Variants in CDK14 observed in about 807,000 individuals in gnomAD.
CDK14 encodes cyclin-dependent kinase 14.
CDK14 carries 34 observed loss-of-function variants against 60.7 expected under a neutral mutation model. That is an observed-to-expected ratio of 0.56 (90% CI 0.43 to 0.75). The LOEUF is 0.75. Among genes scored for constraint, CDK14 ranks in the 30% least tolerant of loss-of-function variants. The pLI is 0.00. For synonymous variants in CDK14, 197 were observed against 203.7 expected, an observed-to-expected ratio of 0.97 and a Z score of 0.28; for missense variants, 482 against 564.1, an observed-to-expected ratio of 0.85 and a Z score of 1.47.
Position 91,196,652 on chromosome 7 carries a change from G to C in CDK14, c.*29-10513G>C, listed in dbSNP as rs145550359. The stretch of plus-strand genomic sequence containing the variant: ...TAAGTAGATGGATTTTTTCTGAATT[G>C]TGGTGGGGAACAAGTTGATGGTCTT... On this transcript the variant is annotated intron_variant, in intron 14 of 14. Coordinates refer to ENST00000380050, the MANE Select transcript of CDK14 (RefSeq NM_001287135.2). 2.5e-3 allele frequency among the ~76,000 whole-genome samples: 374 copies of C among 152,354 alleles called. 2 individuals are homozygous for C. Among genetic ancestry groups the C allele is most frequent in the African/African-American group, 8.7e-3 (360 of 41,584 alleles).
At chr7:90,766,312 A>C (rs554768105) in intron 4 of CDK14, among the ~76,000 whole-genome samples, 3 of 152,328 alleles carry the variant, frequency 2.0e-5, no homozygotes, top group South Asian at 2.1e-4. Context: ...AACAGGGTTA[A>C]TAATAGAATT....
intron 10 of CDK14, among the ~76,000 whole-genome samples, chr7:90,997,061 A>G (rs1795706459): frequency 6.6e-6 from 1 of 152,180 alleles, no homozygotes; most frequent in South Asian, 2.1e-4. Flanking sequence ...AATATATGAA[A>G]TGTTCCCCCT....
At chr7:91,056,668 T>A (rs1797576683) in intron 11 of CDK14, among the ~76,000 whole-genome samples, 1 of 151,918 alleles carries the variant, frequency 6.6e-6, no homozygotes, top group Admixed American at 6.6e-5. Flanking sequence ...GTTTGGTTTT[T>A]TGTCTTTGCG....
intron 6 of CDK14, among the ~76,000 whole-genome samples, chr7:90,876,687 C>T (rs1253909885): frequency 6.6e-6 from 1 of 152,154 alleles, no homozygotes; most frequent in African/African-American, 2.4e-5. Flanking sequence ...AGTGGGAATT[C>T]AGGAGAATAC....
chr7:91,013,111 G>A (rs1027042623), intron 10 of CDK14, among the ~76,000 whole-genome samples: 1 of 152,148 alleles, frequency 6.6e-6, no homozygotes, highest in East Asian at 1.9e-4. Context: ...AGAGGCAACA[G>A]GTTATCACTA....
chr7:90,902,306 A>T (rs541174816), intron 7 of CDK14, among the ~76,000 whole-genome samples: 1 of 152,280 alleles, frequency 6.6e-6, no homozygotes, highest in East Asian at 1.9e-4. Flanking sequence ...AGCAAAAAGA[A>T]CAAAGCTGGA....
chr7:91,121,986 G>T (rs1159255008), intron 14 of CDK14, among the ~76,000 whole-genome samples: 1 of 152,162 alleles, frequency 6.6e-6, no homozygotes, highest in Non-Finnish European at 1.5e-5. Flanking sequence ...AAAGTGCATG[G>T]TCACTCTACT....
chr7:91,209,630 G>A lies in CDK14; in HGVS notation c.*2494G>A, dbSNP rs1001557660. The A allele has an allele frequency of 6.6e-6, 1 of 152,588 alleles. No individual in the cohort carries two copies. Among genetic ancestry groups the A allele is most frequent in the Non-Finnish European group, 1.5e-5 (1 of 68,034 alleles). 9.5% of individuals were successfully genotyped at this position (152,588 alleles called of 1,614,324 possible). A position where few individuals can be genotyped will look rare whatever the true frequency, so the allele number is the denominator to read the frequency against. ...TTATTTTTATATGAAGGAATAGCCT[G>A]AACTCAAACAGATGGTAAGAATAGT... On this transcript the variant is annotated 3_prime_UTR_variant, in exon 15 of 15. Transcript: ENST00000380050.
At chr7:91,132,143 T>C (rs1180929368) in intron 14 of CDK14, among the ~76,000 whole-genome samples, 1 of 152,094 alleles carries the variant, frequency 6.6e-6, no homozygotes, top group African/African-American at 2.4e-5. Flanking sequence ...TGATGACGGG[T>C]ACAGCAGAAC....
intron 3 of CDK14, among the ~76,000 whole-genome samples, chr7:90,727,390 A>G (rs550054953): frequency 1.3e-5 from 2 of 152,280 alleles, no homozygotes; most frequent in South Asian, 4.1e-4. Context: ...GAGAATGTCC[A>G]GAAAGAAGTG....
intron 3 of CDK14, among the ~76,000 whole-genome samples, chr7:90,739,904 C>A (rs903616975): frequency 6.6e-6 from 1 of 152,136 alleles, no homozygotes; most frequent in Admixed American, 6.5e-5. Flanking sequence ...GTGACATTCA[C>A]AAGCTGTTTC....
intron 10 of CDK14, among the ~76,000 whole-genome samples, chr7:91,037,422 TGC>T (rs1796963773): frequency 6.6e-6 from 1 of 152,116 alleles, no homozygotes; most frequent in South Asian, 2.1e-4. Context: ...TGTGTATGTG[TGC>T]GCGCGCATGT....
intron 14 of CDK14, among the ~76,000 whole-genome samples, chr7:91,172,674 T>A (rs898731316): frequency 5.3e-5 from 8 of 152,186 alleles, no homozygotes; most frequent in Non-Finnish European, 1.0e-4. Context: ...CCACACACAG[T>A]TGCTTGGGGT....
At chr7:90,815,048 T>C (rs1407733217) in intron 5 of CDK14, among the ~76,000 whole-genome samples, 1 of 152,234 alleles carries the variant, frequency 6.6e-6, no homozygotes, top group Admixed American at 6.5e-5. Context: ...TTTTTGTTCA[T>C]TTTTGTTGTT....
At chr7:90,777,629 G>A (rs867075886) in intron 4 of CDK14, among the ~76,000 whole-genome samples, 1 of 152,186 alleles carries the variant, frequency 6.6e-6, no homozygotes, top group Non-Finnish European at 1.5e-5. Flanking sequence ...CCTGTACCTT[G>A]TCATCTGTGC....
intron 8 of CDK14, among the ~76,000 whole-genome samples, chr7:90,932,593 CTG>C (rs1228938237): frequency 3.3e-5 from 5 of 152,154 alleles, no homozygotes. Flanking sequence ...ATTTTGGACT[CTG>C]TGGAACATAA....
At chr7:90,744,840 A>AT (rs1562749553) in intron 3 of CDK14, among the ~76,000 whole-genome samples, 9 of 3,460 alleles carry the variant, frequency 2.6e-3, no homozygotes, top group Admixed American at 3.8e-3. Flanking sequence ...TCCCTCCCGG[A>AT]CGGGGGCTGA....
intron 9 of CDK14, among the ~76,000 whole-genome samples, chr7:90,964,057 T>C (rs1202163162): frequency 6.6e-6 from 1 of 152,162 alleles, no homozygotes; most frequent in East Asian, 1.9e-4. Flanking sequence ...ACATAATTGT[T>C]TTATGATAAT....
At chr7:90,899,015 G>C (rs1002937625) in intron 6 of CDK14, among the ~76,000 whole-genome samples, 1 of 151,796 alleles carries the variant, frequency 6.6e-6, no homozygotes, top group Non-Finnish European at 1.5e-5. Context: ...ATATTCAATG[G>C]AAAGGAAATG....
Sources: gnomAD v4.1 joint callset for allele counts (sites outside exome capture counted in the v4.1 genomes callset) on GRCh38, gnomAD v4.1.1 for gene constraint, MANE v1.5 for transcripts, NCBI Gene and HGNC (gene_info 2026-07-23, HGNC 2026-07-21) for gene names.